The following BSN variants were observed in gnomAD, a reference collection of about 807,000 sequenced individuals.
BSN encodes bassoon presynaptic cytomatrix protein.
In BSN, 57 loss-of-function variants were observed where a neutral mutation model predicts 264.8. The observed-to-expected ratio is 0.22, with a 90% confidence interval of 0.17 to 0.27. BSN has a LOEUF of 0.27. BSN is among the 10% of genes least tolerant of loss of function. The pLI is 1.00. For synonymous variants in BSN, 2,059 were observed against 2,137.3 expected (o/e 0.96, Z 1.01); for missense variants, 4,615 against 5,232.5 (o/e 0.88, Z 3.64).
At chr3:49,580,183 T>G (rs1430271681) in intron 1 of BSN, among the ~76,000 whole-genome samples, 2 of 151,010 alleles carry the variant, frequency 1.3e-5, no homozygotes, top group Non-Finnish European at 3.0e-5. Context: ...TGGGCTCAAG[T>G]GATCCTCCCA....
Position 49,664,843 on chromosome 3 carries a change from T to C in BSN, c.*4T>C, listed in dbSNP as rs549354372. ...AAAATTTTCCTCATTCTGGTGACCA[T>C]GCCCAGCATGGTGAGTACAAGCAGC... On this transcript the variant is annotated 3_prime_UTR_variant, in exon 10 of 12. Coordinates refer to ENST00000296452, the MANE Select transcript of BSN (RefSeq NM_003458.4). 1.9e-6 allele frequency: 3 copies of C among 1,590,644 alleles called. No homozygotes were observed. In the East Asian group the frequency reaches 7.0e-5, roughly 37 times the overall value.
chr3:49,624,113 G>C (rs1020939854), intron 1 of BSN, among the ~76,000 whole-genome samples: 6 of 150,296 alleles, frequency 4.0e-5, no homozygotes, highest in Non-Finnish European at 5.9e-5. Context: ...CCATTCTTCT[G>C]CCTCAGCCTC....
rs1190075430 is a variant in BSN, at chr3:49,661,802, C to T, written c.9957C>T (p.Tyr3319=). 1.2e-6 allele frequency: 2 copies of T among 1,613,620 alleles called. No homozygotes were observed. The highest frequency in any genetic ancestry group is 2.2e-5 in the East Asian group (1 of 44,880). Residue 3319 remains tyrosine (Y), a synonymous_variant, in exon 6 of 12, where the codon TAC becomes TAT. Coordinates refer to ENST00000296452, the MANE Select transcript of BSN (RefSeq NM_003458.4). ...ATGGTCGACCAGCCAGTACCCACTA[C>T]TATGGTGACAGTGACTACAGGCATG... ...ESNGRPASTH[Y]YGDSDYRHGA...
At chr3:49,554,903 CTAG>C (rs2051653329) in intron 1 of BSN, 77 bp downstream of exon 1, 1 of 889,508 alleles carries the variant, frequency 1.1e-6, no homozygotes, top group Non-Finnish European at 1.4e-6. Context: ...ATCCCGCGAT[CTAG>C]TGTGGACAGC....
chr3:49,666,881 C>T (rs1370813255), intron 11 of BSN, among the ~76,000 whole-genome samples: 2 of 152,190 alleles, frequency 1.3e-5, no homozygotes, highest in Non-Finnish European at 2.9e-5. Flanking sequence ...GTTCTTCCTG[C>T]CTTCACCCTC....
At chr3:49,641,787 T>C (rs2052466765) in intron 2 of BSN, 1 of 153,828 alleles carries the variant, frequency 6.5e-6, no homozygotes, top group South Asian at 2.1e-4. Flanking sequence ...ATTCATTATG[T>C]GAGTTTTTAC....
rs754228309 is a variant in BSN, at chr3:49,652,201, GGCCTGA to G, written c.2650_2655del (p.Glu884_Pro885del). 14 of 1,613,410 alleles carry G rather than the reference GGCCTGA, an allele frequency of 8.7e-6. No individual in the cohort carries two copies. Among genetic ancestry groups the G allele is most frequent in the Non-Finnish European group, 1.7e-6 (2 of 1,179,696 alleles). The stretch of plus-strand genomic sequence containing the variant: ...ACCCAGAAAGGTGGCCCCAGACCCA[GGCCTGA>G]GCCTAGCCAAGAACCAGCAGCACTG... On this transcript the variant is annotated inframe_deletion, in exon 5 of 12. Coordinates refer to ENST00000296452, the MANE Select transcript of BSN (RefSeq NM_003458.4).
Position 49,658,170 on chromosome 3 carries a change from C to G in BSN, c.8614C>G (p.Gln2872Glu). Residue 2872 changes from glutamine (Q) to glutamate (E), a missense_variant, in exon 5 of 12, where the codon CAG becomes GAG. Transcript: ENST00000296452. ...TGCCAAAGAGAGATTCTCCCTCTAC[C>G]AGCACCAGGGGGGACTGGGTAGCCA... Reference protein sequence around the residue: ...ESAKERFSLYQHQGGLGSQVS... With the variant: ...ESAKERFSLYEHQGGLGSQVS... 1 of 1,584,846 alleles carries G rather than the reference C, an allele frequency of 6.3e-7. No individual in the cohort carries two copies. The highest frequency in any genetic ancestry group is 8.6e-7 in the Non-Finnish European group (1 of 1,161,040).
At chr3:49,605,431 ATATATATTATATATAT>A (rs2052107890) in intron 1 of BSN, among the ~76,000 whole-genome samples, 1 of 20,488 alleles carries the variant, frequency 4.9e-5, no homozygotes, top group African/African-American at 2.1e-4. Context: ...TTTATATATA[ATATATATTATATATAT>A]TATATAATAT....
intron 2 of BSN, among the ~76,000 whole-genome samples, chr3:49,635,343 C>T (rs1246742509): frequency 6.6e-6 from 1 of 152,058 alleles, no homozygotes; most frequent in African/African-American, 2.4e-5. Flanking sequence ...GTAGAAAGGC[C>T]AGCAAGTGGA....
At position 49,669,237 on chromosome 3, in the gene BSN, G is replaced by A. The variant is rs1430572450; in HGVS notation, c.*1752G>A. 6.6e-6 allele frequency: 1 copy of A among 152,632 alleles called. No individual in the cohort carries two copies. The highest frequency in any genetic ancestry group is 2.4e-5 in the African/African-American group (1 of 41,460). The allele number at this position is 152,632 out of a possible 1,614,324, so 9.5% of individuals were successfully genotyped here. On this transcript the variant is annotated 3_prime_UTR_variant, in exon 12 of 12. Coordinates refer to ENST00000296452, the MANE Select transcript of BSN (RefSeq NM_003458.4). Reference sequence around the variant, plus strand: ...TGAGGACCTGCCAGAATTGTTGCCTGAGCGTGCCAGGCTGCAGGGCAGGCA... The same window carrying A: ...TGAGGACCTGCCAGAATTGTTGCCTAAGCGTGCCAGGCTGCAGGGCAGGCA...
chr3:49,562,806 AG>A (rs917215463), intron 1 of BSN, among the ~76,000 whole-genome samples: 2 of 152,194 alleles, frequency 1.3e-5, no homozygotes, highest in African/African-American at 4.8e-5. Context: ...AGCAAAGGGC[AG>A]GGTAGGATGA....
chr3:49,654,535 C>G lies in BSN; in HGVS notation c.4979C>G (p.Thr1660Ser). 6.2e-7 allele frequency: 1 copy of G among 1,610,632 alleles called. No individual in the cohort carries two copies. Among genetic ancestry groups the G allele is most frequent in the Non-Finnish European group, 8.5e-7 (1 of 1,178,280 alleles). ...GTSRVEPGPR[T>S]PGTAVVDLRT... ...TCTAGGGTTGAGCCAGGCCCCAGGA[C>G]CCCTGGCACTGCAGTGGTAGACCTC... The change falls in exon 5 of 12, where the codon ACC (threonine) becomes AGC (serine). Residue 1660 changes from threonine to serine, a missense_variant. This residue lies in a region of BSN where 3,415 missense variants were observed against 3,866.4 expected (regional missense o/e 0.88). Transcript: ENST00000296452. This position sits in a 1 kb window ranked among gnomAD's most constrained non-coding sequence, Gnocchi z 4.1.
At chr3:49,630,091 G>C (rs2052374085) in intron 2 of BSN, among the ~76,000 whole-genome samples, 1 of 152,234 alleles carries the variant, frequency 6.6e-6, no homozygotes, top group South Asian at 2.1e-4. Flanking sequence ...AGATGGCTCG[G>C]GGGTGGTGCT....
chr3:49,560,191 T>C (rs2051701853), intron 1 of BSN, among the ~76,000 whole-genome samples: 1 of 152,128 alleles, frequency 6.6e-6, no homozygotes, highest in African/African-American at 2.4e-5. Context: ...TTATCACAGG[T>C]CCTGCATTTC....
chr3:49,569,721 C>G (rs937593776), intron 1 of BSN, among the ~76,000 whole-genome samples: 2 of 152,212 alleles, frequency 1.3e-5, no homozygotes, highest in African/African-American at 4.8e-5. Context: ...TCTATTGGCT[C>G]TAGAATCTGC....
chr3:49,654,870 G>A lies in BSN; in HGVS notation c.5314G>A (p.Ala1772Thr). Residue 1772 changes from alanine (A) to threonine (T), a missense_variant, in exon 5 of 12, where the codon GCC becomes ACC. By Grantham distance (58) the Ala-to-Thr change is moderately conservative. Coordinates refer to ENST00000296452, the MANE Select transcript of BSN (RefSeq NM_003458.4). The surrounding 1 kb of genome is among the most constrained non-coding windows in gnomAD (Gnocchi z 4.1). ...GQGGGSPVCL[A>T]QVKQVEQAVQ... is the part of the protein sequence containing the mutation. Reference sequence around the variant, plus strand: ...GGGTGGGGGTAGCCCTGTGTGCCTGGCCCAGGTCAAACAAGTAGAGCAGGC... The same window carrying A: ...GGGTGGGGGTAGCCCTGTGTGCCTGACCCAGGTCAAACAAGTAGAGCAGGC... The A allele has an allele frequency of 6.2e-7, 1 of 1,613,430 alleles. No homozygotes were observed. Among genetic ancestry groups the A allele is most frequent in the Non-Finnish European group, 8.5e-7 (1 of 1,179,980 alleles).
At position 49,651,783 on chromosome 3, in the gene BSN, A is replaced by G. The variant is rs756813849; in HGVS notation, c.2227A>G (p.Ser743Gly). ...PLLQAQGLAP[S>G]ERSKPLSSGT... ...GCTGCAGGCCCAGGGCCTGGCCCCA[A>G]GTGAGCGGAGCAAGCCACTCTCCAG... Residue 743 changes from serine to glycine, a missense_variant, in exon 5 of 12, where the codon AGT becomes GGT. Physicochemically the swap from Ser to Gly is moderately conservative, Grantham distance 56. Around this residue, in one of 3 missense-constraint regions of BSN, gnomAD observed 1,197 missense variants for 1,348.0 expected, o/e 0.89. Coordinates refer to ENST00000296452, the MANE Select transcript of BSN (RefSeq NM_003458.4). The surrounding 1 kb of genome is among the most constrained non-coding windows in gnomAD (Gnocchi z 5.4). 69 of 1,613,094 alleles carry G rather than the reference A, an allele frequency of 4.3e-5. No homozygotes were observed. Among genetic ancestry groups the G allele is most frequent in the Non-Finnish European group, 5.8e-5 (69 of 1,180,000 alleles).
chr3:49,554,878 G>A lies in BSN; in HGVS notation c.224+52G>A, dbSNP rs1285440838. ...GGCGGTGAGCTGCAGCCTGAGGCCG[G>A]GACCCGGGCCCAGGATCCCGCGATC... On this transcript the variant is annotated intron_variant, in intron 1 of 11. Coordinates refer to ENST00000296452, the MANE Select transcript of BSN (RefSeq NM_003458.4). 2.2e-5 allele frequency: 24 copies of A among 1,095,806 alleles called. No homozygotes were observed. The Admixed American group carries it at 5.3e-4, about 24-fold the overall frequency. The allele number at this position is 1,095,806 out of a possible 1,614,324, so 67.9% of individuals were successfully genotyped here. A position where few individuals can be genotyped will look rare whatever the true frequency, so the allele number is the denominator to read the frequency against.
Sources: gnomAD v4.1 joint callset for allele counts (sites outside exome capture counted in the v4.1 genomes callset) on GRCh38, gnomAD v4.1.1 for gene constraint, gnomAD v4.1.1 regional missense constraint, Gnocchi (gnomAD v3.1) non-coding constraint, MANE v1.5 for transcripts, NCBI Gene and HGNC (gene_info 2026-07-23, HGNC 2026-07-21) for gene names.